Variants in NUP155 observed in about 807,000 individuals in gnomAD.
NUP155 encodes the protein nucleoporin 155.
In NUP155, 71 loss-of-function variants were observed where a neutral mutation model predicts 180.4. That is an observed-to-expected ratio of 0.39 (90% CI 0.33 to 0.48). The LOEUF is 0.48. Among genes scored for constraint, NUP155 ranks in the 20% least tolerant of loss-of-function variants. The probability of loss-of-function intolerance (pLI) is 0.91; values close to 1 mark genes in which losing one functional copy is unlikely to be tolerated. For missense variants in NUP155, 1,553 were observed against 1,648.9 expected (o/e 0.94, Z 1.01); for synonymous variants, 582 against 559.5 (o/e 1.04, Z -0.57).
intron 32 of NUP155, among the ~76,000 whole-genome samples, chr5:37,296,960 T>C (rs916327608): frequency 2.0e-5 from 3 of 152,072 alleles, no homozygotes; most frequent in African/African-American, 4.8e-5. Context: ...GCAGATCACC[T>C]GAGGTCAGGA....
chr5:37,300,801 A>G (rs1381680861), intron 30 of NUP155, among the ~76,000 whole-genome samples: 1 of 149,830 alleles, frequency 6.7e-6, no homozygotes, highest in Non-Finnish European at 1.5e-5. Flanking sequence ...AACTACAACC[A>G]CACACCACCA....
chr5:37,324,156 T>C, intron 19 of NUP155, 49 bp from the exon 20 acceptor site: 1 of 1,065,038 alleles, frequency 9.4e-7, no homozygotes, highest in Non-Finnish European at 1.5e-6. Context: ...ACCCTCTGTA[T>C]AGCTATAATA....
At chr5:37,344,165 C>G (rs1397525505) in intron 9 of NUP155, among the ~76,000 whole-genome samples, 2 of 151,572 alleles carry the variant, frequency 1.3e-5, no homozygotes, top group East Asian at 3.9e-4. Flanking sequence ...CATGGTGAAA[C>G]CCCATCTCTA....
intron 7 of NUP155, 145 bp from the exon 8 acceptor site, chr5:37,349,390 G>C (rs954725837): frequency 5.9e-6 from 2 of 339,266 alleles, no homozygotes; most frequent in Non-Finnish European, 1.1e-5. Flanking sequence ...TTAAATCCTA[G>C]GATGTTTGCA....
chr5:37,335,434 A>G lies in NUP155; in HGVS notation c.1348-1801T>C, dbSNP rs542383669. 4.6e-5 allele frequency among the ~76,000 whole-genome samples: 7 copies of G among 152,038 alleles called. No individual in the cohort carries two copies. In the South Asian group the frequency reaches 1.5e-3, roughly 32 times the overall value. On this transcript the variant is annotated intron_variant, in intron 12 of 34. Coordinates refer to ENST00000231498, the MANE Select transcript of NUP155 (RefSeq NM_153485.3). Reference sequence around the variant, plus strand: ...TTCTAAAATACTTTATAATAAAAAAATTCAAGCAGCCAAAAATGTTGAATA... The same window carrying G: ...TTCTAAAATACTTTATAATAAAAAAGTTCAAGCAGCCAAAAATGTTGAATA...
Position 37,364,342 on chromosome 5 carries a change from A to G in NUP155, c.200T>C (p.Leu67Ser), listed in dbSNP as rs1466369155. 6.2e-7 allele frequency: 1 copy of G among 1,611,096 alleles called. No individual in the cohort carries two copies. The highest frequency in any genetic ancestry group is 8.5e-7 in the Non-Finnish European group (1 of 1,177,204). Residue 67 changes from leucine to serine, a missense_variant, in exon 2 of 35, where the codon TTG becomes TCG. Transcript: ENST00000231498. ...VSGMSDMDYP[L>S]QGPGLLSVPN... is the part of the protein sequence containing the mutation. ...TACGGACAGCAAACCAGGTCCTTGCAAAGGATAATCCATATCTGACATGCC... is the reference window on the plus strand; with the variant it reads ...TACGGACAGCAAACCAGGTCCTTGCGAAGGATAATCCATATCTGACATGCC...
At chr5:37,348,057 G>A (rs1254994507) in intron 9 of NUP155, among the ~76,000 whole-genome samples, 1 of 152,012 alleles carries the variant, frequency 6.6e-6, no homozygotes, top group African/African-American at 2.4e-5. Flanking sequence ...TCGCTTGAAC[G>A]CGCGAGGCAG....
rs1742749601 is a variant in NUP155, at chr5:37,299,449, T to A, written c.3681A>T (p.Lys1227Asn). 6.2e-7 allele frequency: 1 copy of A among 1,613,974 alleles called. No individual in the cohort carries two copies. The highest frequency in any genetic ancestry group is 1.7e-5 in the Admixed American group (1 of 59,992). Residue 1227 changes from lysine to asparagine, a missense_variant and splice_region_variant, in exon 31 of 35, where the codon AAA becomes AAT. By Grantham distance (94) the Lys-to-Asn change is moderately conservative. Transcript: ENST00000231498. ...VQTLWQDIIE[K>N]ELSDSVTLSS... is the part of the protein sequence containing the mutation. ...ACATACCTATAACTGAACACTTACCTTTCTCTATGATATCTTGCCAAAGTG... is the reference window on the plus strand; with the variant it reads ...ACATACCTATAACTGAACACTTACCATTCTCTATGATATCTTGCCAAAGTG...
chr5:37,307,636 T>C (rs530346190), intron 24 of NUP155, among the ~76,000 whole-genome samples: 5 of 152,176 alleles, frequency 3.3e-5, no homozygotes, highest in African/African-American at 7.2e-5. Flanking sequence ...TATTTCTTCA[T>C]TGGGGGCCAG....
intron 32 of NUP155, among the ~76,000 whole-genome samples, chr5:37,295,699 G>A (rs1424186643): frequency 6.7e-5 from 10 of 148,786 alleles, no homozygotes; most frequent in Admixed American, 1.3e-4. Flanking sequence ...CTGCCCTGTC[G>A]CCCCGTCCGG....
intron 21 of NUP155, among the ~76,000 whole-genome samples, chr5:37,316,768 A>G (rs1743912665): frequency 6.6e-6 from 1 of 151,448 alleles, no homozygotes; most frequent in South Asian, 2.1e-4. Flanking sequence ...CCCAGCCCAG[A>G]GTGACATTTT....
chr5:37,367,360 G>A (rs217845), intron 1 of NUP155, among the ~76,000 whole-genome samples: 74,270 of 151,282 alleles, frequency 0.49, 21,014 homozygotes, highest in Non-Finnish European at 0.63. Context: ...GACTACAGGA[G>A]TGTGCCACCA....
At chr5:37,342,752 T>C (rs1251786685) in intron 9 of NUP155, 106 bp from the exon 10 acceptor site, 6 of 825,854 alleles carry the variant, frequency 7.3e-6, no homozygotes, top group Non-Finnish European at 1.0e-5. Context: ...TCCTTTTTTT[T>C]TTGAGATGTA....
intron 21 of NUP155, among the ~76,000 whole-genome samples, chr5:37,316,073 G>C (rs552420494): frequency 5.3e-5 from 8 of 152,296 alleles, no homozygotes; most frequent in Admixed American, 1.3e-4. Flanking sequence ...ATACCCAAAA[G>C]AACTGAAAGC....
chr5:37,342,554 T>A lies in NUP155; in HGVS notation c.1088A>T (p.His363Leu). 6.3e-7 allele frequency: 1 copy of A among 1,598,504 alleles called. No homozygotes were observed. Reference sequence around the variant, plus strand: ...ATGTAAATAAAACAACATACCTGCATGTGTGACAGCCAATAACTGACAGTC... The same window carrying A: ...ATGTAAATAAAACAACATACCTGCAAGTGTGACAGCCAATAACTGACAGTC... ...SLDCQLLAVTHAGVRLYFSTC... is the reference protein window; with the variant it reads ...SLDCQLLAVTLAGVRLYFSTC... Residue 363 changes from histidine (H) to leucine (L), a missense_variant, in exon 10 of 35, where the codon CAT (histidine) becomes CTT (leucine). Transcript: ENST00000231498.
rs139166337 is a variant in NUP155 at position 37,363,203 on chromosome 5, C to T, written c.392+685G>A. Among the ~76,000 whole-genome samples the T allele has an allele frequency of 3.6e-4, 55 of 152,260 alleles. No homozygotes were observed. In the East Asian group the frequency reaches 5.8e-3, roughly 16 times the overall value. On this transcript the variant is annotated intron_variant, in intron 3 of 34. Coordinates refer to ENST00000231498, the MANE Select transcript of NUP155 (RefSeq NM_153485.3). The stretch of plus-strand genomic sequence containing the variant: ...CTGGGATTATAGGCGTTTGAGTCAG[C>T]GTGCTCGGCCGATACAGTGTCTTTT...
chr5:37,329,360 T>C, intron 15 of NUP155, 82 bp from the exon 16 acceptor site: 2 of 1,087,930 alleles, frequency 1.8e-6, no homozygotes, highest in Non-Finnish European at 2.8e-6. Flanking sequence ...TTTTCCTGTT[T>C]AGCTTCCAAG....
In NUP155 at chr5:37,317,991, G is replaced by C; in HGVS notation, c.2302C>G (p.His768Asp). Residue 768 changes from histidine to aspartate, a missense_variant, in exon 21 of 35, where the codon CAT (histidine) becomes GAT (aspartate). Physicochemically the swap from His to Asp is moderately conservative, Grantham distance 81. Coordinates refer to ENST00000231498, the MANE Select transcript of NUP155 (RefSeq NM_153485.3). ...CTGATGAGAAGCAATAATTTACCAT[G>C]AAACTTCCTCTGCAGTTCCTGTTGC... ...QMQQELQRKFHEAQLSEKISL... is the reference protein window; with the variant it reads ...QMQQELQRKFDEAQLSEKISL... 1 of 1,582,726 alleles carries C rather than the reference G, an allele frequency of 6.3e-7. No homozygotes were observed. Among genetic ancestry groups the C allele is most frequent in the Non-Finnish European group, 8.7e-7 (1 of 1,151,326 alleles).
At chr5:37,301,315 G>C in intron 30 of NUP155, 122 bp downstream of exon 30, 1 of 663,138 alleles carries the variant, frequency 1.5e-6, no homozygotes, top group Non-Finnish European at 2.7e-6. Flanking sequence ...AGCTGCCAAA[G>C]ATGCCTTATC....
Sources: allele counts gnomAD v4.1 joint callset (sites outside exome capture counted in the v4.1 genomes callset), GRCh38; gene constraint gnomAD v4.1.1; transcripts MANE v1.5; gene names NCBI Gene and HGNC (gene_info 2026-07-23, HGNC 2026-07-21).